Variants in DLGAP2 observed in about 807,000 individuals in gnomAD.
DLGAP2 encodes the protein disks large-associated protein 2.
In DLGAP2, 26 loss-of-function variants were observed where a neutral mutation model predicts 100.3. The observed-to-expected ratio is 0.26, with a 90% CI of 0.19 to 0.36. The LOEUF (loss-of-function observed/expected upper bound fraction) is 0.36, where lower values mean the gene tolerates loss of function less well. Among genes scored for constraint, DLGAP2 ranks in the 10% least tolerant of loss-of-function variants. DLGAP2 has a pLI of 1.00. For missense variants in DLGAP2, 1,858 were observed against 1,453.2 expected (o/e 1.28, Z -4.53); for synonymous variants, 886 against 630.1 (o/e 1.41, Z -6.08).
intron 2 of DLGAP2, among the ~76,000 whole-genome samples, chr8:1,037,023 G>A (rs945931555): frequency 4.6e-5 from 7 of 152,118 alleles, no homozygotes; most frequent in South Asian, 2.1e-4. Flanking sequence ...TGCACTGGAC[G>A]CTTGCTGTTC....
intron 4 of DLGAP2, among the ~76,000 whole-genome samples, chr8:1,512,476 C>T (rs529287077): frequency 2.0e-4 from 31 of 152,204 alleles, no homozygotes; most frequent in African/African-American, 7.5e-4. Context: ...TCGGTGCATT[C>T]CTGCTCTGGA....
intron 1 of DLGAP2, among the ~76,000 whole-genome samples, chr8:843,829 C>G (rs892323407): frequency 2.0e-5 from 3 of 152,174 alleles, no homozygotes; most frequent in African/African-American, 4.8e-5. Flanking sequence ...TACATGATAT[C>G]TTTACATTTC....
At chr8:1,050,288 G>C (rs918562480) in intron 2 of DLGAP2, among the ~76,000 whole-genome samples, 5 of 152,196 alleles carry the variant, frequency 3.3e-5, no homozygotes, top group Non-Finnish European at 7.3e-5. Context: ...CATGATACAG[G>C]TTTCCTGAAT....
At chr8:1,342,173 C>T (rs1353501607) in intron 3 of DLGAP2, among the ~76,000 whole-genome samples, 1 of 152,008 alleles carries the variant, frequency 6.6e-6, no homozygotes, top group Non-Finnish European at 1.5e-5. Context: ...GTCTCAATAC[C>T]TGGTCTCAAG....
intron 3 of DLGAP2, among the ~76,000 whole-genome samples, chr8:1,447,633 A>G (rs1267285536): frequency 2.0e-5 from 3 of 152,100 alleles, no homozygotes; most frequent in Non-Finnish European, 2.9e-5. Flanking sequence ...ATCTTTTTCT[A>G]TTGATTGGAA....
chr8:1,132,583 A>T (rs1409304075), intron 2 of DLGAP2, among the ~76,000 whole-genome samples: 1 of 152,202 alleles, frequency 6.6e-6, no homozygotes, highest in Non-Finnish European at 1.5e-5. Context: ...GCTGGCATGC[A>T]CTCGCCCAAC....
chr8:1,630,963 C>T lies in DLGAP2; in HGVS notation c.1591-1864C>T, dbSNP rs544369748. Among the ~76,000 whole-genome samples, 122 of 102,812 alleles carry T rather than the reference C, an allele frequency of 1.2e-3. 3 individuals carry two copies. The highest frequency in any genetic ancestry group is 3.3e-3 in the African/African-American group (109 of 33,432). 67.4% of individuals were successfully genotyped at this position (102,812 alleles called of 152,430 possible). On this transcript the variant is annotated intron_variant, in intron 7 of 14. Coordinates refer to ENST00000637795, the MANE Select transcript of DLGAP2 (RefSeq NM_001346810.2). ...GTCTCGGCGGGAGGTCCCAGTGTCC[C>T]GAGGGTCTCGGCGGGAGGTCCGGGT...
chr8:787,156 T>C (rs1304909276), intron 1 of DLGAP2, among the ~76,000 whole-genome samples: 1 of 152,226 alleles, frequency 6.6e-6, no homozygotes, highest in Non-Finnish European at 1.5e-5. Flanking sequence ...CATTCATTTA[T>C]CCAACTTGAT....
chr8:1,168,848 G>T, intron 2 of DLGAP2, among the ~76,000 whole-genome samples: 1 of 93,980 alleles, frequency 1.1e-5, no homozygotes, highest in African/African-American at 3.8e-5. Context: ...TCACTCTGAT[G>T]GTAGTTTCTT....
chr8:1,451,446 C>T (rs2130112546), intron 3 of DLGAP2, among the ~76,000 whole-genome samples: 1 of 152,274 alleles, frequency 6.6e-6, no homozygotes, highest in Admixed American at 6.5e-5. Context: ...GCCCAGCACG[C>T]TCTGAAAGGG....
chr8:1,385,868 T>G (rs112522017), intron 3 of DLGAP2, among the ~76,000 whole-genome samples: 2 of 151,110 alleles, frequency 1.3e-5, no homozygotes, highest in Non-Finnish European at 2.9e-5. Flanking sequence ...GGTGCACAGT[T>G]ACCCGGCCTG....
intron 8 of DLGAP2, among the ~76,000 whole-genome samples, chr8:1,665,888 G>A (rs574557795): frequency 2.0e-5 from 3 of 152,326 alleles, no homozygotes; most frequent in East Asian, 3.9e-4. Context: ...CCCCTTTATC[G>A]ATGAGCCCTC....
intron 2 of DLGAP2, among the ~76,000 whole-genome samples, chr8:1,219,901 G>T (rs1379032988): frequency 6.6e-6 from 1 of 151,996 alleles, no homozygotes; most frequent in Non-Finnish European, 1.5e-5. Flanking sequence ...TGTGTGCATA[G>T]TGGTGTTAGT....
intron 3 of DLGAP2, among the ~76,000 whole-genome samples, chr8:1,325,905 C>A (rs1202395055): frequency 6.6e-6 from 1 of 152,158 alleles, no homozygotes; most frequent in Admixed American, 6.5e-5. Flanking sequence ...ATTTTGTAAT[C>A]TTTATTGTAG....
intron 3 of DLGAP2, among the ~76,000 whole-genome samples, chr8:1,377,341 G>A (rs890435392): frequency 3.9e-5 from 6 of 152,184 alleles, no homozygotes; most frequent in Non-Finnish European, 7.3e-5. Flanking sequence ...TCAGGAGATC[G>A]AGACCATCCT....
chr8:1,557,366 C>A (rs957040372), intron 5 of DLGAP2, among the ~76,000 whole-genome samples: 4 of 152,112 alleles, frequency 2.6e-5, no homozygotes, highest in Admixed American at 2.6e-4. Flanking sequence ...CCGGAAAGAG[C>A]CCCTGGTGAG....
chr8:1,321,440 C>A (rs1024778087), intron 3 of DLGAP2, among the ~76,000 whole-genome samples: 1 of 150,002 alleles, frequency 6.7e-6, no homozygotes, highest in African/African-American at 2.5e-5. Flanking sequence ...TGCATCCATG[C>A]GTCTCTGCAT....
chr8:1,364,355 C>A (rs775011685), intron 3 of DLGAP2, among the ~76,000 whole-genome samples: 1 of 152,138 alleles, frequency 6.6e-6, no homozygotes, highest in Admixed American at 6.5e-5. Flanking sequence ...TTCTCGTGAT[C>A]GTCAAGGGCT....
At chr8:1,091,068 C>T (rs903033239) in intron 2 of DLGAP2, among the ~76,000 whole-genome samples, 1 of 152,134 alleles carries the variant, frequency 6.6e-6, no homozygotes, top group Non-Finnish European at 1.5e-5. Flanking sequence ...AGTCTTGCCC[C>T]GTCTGCGCAC....
Sources: gnomAD v4.1 joint callset for allele counts (sites outside exome capture counted in the v4.1 genomes callset) on GRCh38, gnomAD v4.1.1 for gene constraint, MANE v1.5 for transcripts, NCBI Gene and HGNC (gene_info 2026-07-23, HGNC 2026-07-21) for gene names.